The following C5orf63 variants were observed in gnomAD, a reference collection of about 807,000 sequenced individuals.
C5orf63 encodes the protein chromosome 5 open reading frame 63.
A neutral mutation model predicts 13.3 loss-of-function variants in C5orf63; 18 were observed. The observed-to-expected ratio is 1.36, with a 90% confidence interval of 0.94 to 2.01. C5orf63 has a LOEUF of 2.01. C5orf63 is among the 30% of genes most tolerant of loss of function. The pLI is 0.00. For missense variants in C5orf63, 118 were observed against 127.7 expected, an observed-to-expected ratio of 0.92 and a Z score of 0.36; for synonymous variants, 38 against 44.7, an observed-to-expected ratio of 0.85 and a Z score of 0.60.
intron 2 of C5orf63, among the ~76,000 whole-genome samples, chr5:127,066,467 T>A (rs1219586901): frequency 4.6e-5 from 7 of 151,880 alleles, no homozygotes; most frequent in Admixed American, 2.6e-4. Context: ...GACTTGCCAA[T>A]GAATTGGACA....
intron 2 of C5orf63, among the ~76,000 whole-genome samples, chr5:127,066,655 A>G (rs1754344272): frequency 6.6e-6 from 1 of 152,112 alleles, no homozygotes; most frequent in African/African-American, 2.4e-5. Context: ...ATAGAGAATG[A>G]CATACACAGG....
chr5:127,055,577 C>G (rs1186134347), intron 3 of C5orf63, among the ~76,000 whole-genome samples: 2 of 152,134 alleles, frequency 1.3e-5, no homozygotes, highest in East Asian at 3.9e-4. Context: ...ATTAAAGGGT[C>G]TTTCTGGCCC....
chr5:127,060,324 T>C (rs1754052804), intron 2 of C5orf63, among the ~76,000 whole-genome samples: 1 of 152,196 alleles, frequency 6.6e-6, no homozygotes, highest in East Asian at 1.9e-4. Flanking sequence ...ACTGGACATA[T>C]TCCAGTAAGA....
downstream of C5orf63, chr5:127,043,913 T>C (rs1372908380): frequency 6.6e-6 from 1 of 152,246 alleles, no homozygotes; most frequent in Non-Finnish European, 1.5e-5. Context: ...CTAAAATTTA[T>C]TTCCCTCTCT....
At chr5:127,069,128 C>T (rs1226579203) in intron 2 of C5orf63, among the ~76,000 whole-genome samples, 3 of 152,186 alleles carry the variant, frequency 2.0e-5, no homozygotes, top group Non-Finnish European at 4.4e-5. Flanking sequence ...TTATATCATA[C>T]ATGAGGCCTT....
chr5:127,072,289 TATCCA>T (rs1324849737), intron 1 of C5orf63, among the ~76,000 whole-genome samples: 4 of 152,208 alleles, frequency 2.6e-5, no homozygotes, highest in Non-Finnish European at 5.9e-5. Context: ...TTATCATAAT[TATCCA>T]ATATTTCCAG....
intron 2 of C5orf63, among the ~76,000 whole-genome samples, chr5:127,070,322 TTCAACG>T (rs1754489429): frequency 6.6e-6 from 1 of 152,198 alleles, no homozygotes; most frequent in African/African-American, 2.4e-5. Context: ...AATCAAATAA[TTCAACG>T]TCATGTCCTT....
intron 2 of C5orf63, among the ~76,000 whole-genome samples, chr5:127,067,713 C>CA (rs901309827): frequency 6.6e-6 from 1 of 152,038 alleles, no homozygotes; most frequent in African/African-American, 2.4e-5. Context: ...TTTTATTTCT[C>CA]AAACAGGGAA....
chr5:127,049,021 G>A (rs1451126469), downstream of C5orf63, among the ~76,000 whole-genome samples: 1 of 152,216 alleles, frequency 6.6e-6, no homozygotes, highest in African/African-American at 2.4e-5. Context: ...GGAGGACTTT[G>A]TCTGTGGCAT....
chr5:127,072,632 C>T (rs113336590), intron 1 of C5orf63, among the ~76,000 whole-genome samples: 2,722 of 151,808 alleles, frequency 0.018, 43 homozygotes, highest in Non-Finnish European at 0.027. Flanking sequence ...TAAGGCCATA[C>T]TATGGATTTT....
In C5orf63 at chr5:127,058,687, A is replaced by G. The variant is rs374991802; in HGVS notation, c.114+195T>C. Reference sequence around the variant, plus strand: ...TAGGGGCCAGATGACCATTAAATACATCAATTTACTCTTTGCTAATTGGGA... The same window carrying G: ...TAGGGGCCAGATGACCATTAAATACGTCAATTTACTCTTTGCTAATTGGGA... On this transcript the variant is annotated intron_variant, in intron 3 of 4. Transcript: ENST00000296662. 216 of 551,068 alleles carry G rather than the reference A, an allele frequency of 3.9e-4. 1 individual carries two copies. The East Asian group carries it at 5.7e-3, about 14-fold the overall frequency. The allele number at this position is 551,068 out of a possible 1,614,324, so 34.1% of individuals were successfully genotyped here. A position where few individuals can be genotyped will look rare whatever the true frequency, so the allele number is the denominator to read the frequency against.
At chr5:127,064,148 T>C (rs1754229952) in intron 2 of C5orf63, among the ~76,000 whole-genome samples, 1 of 152,050 alleles carries the variant, frequency 6.6e-6, no homozygotes, top group Non-Finnish European at 1.5e-5. Context: ...AGAGAGAAAA[T>C]GACTCTCGTG....
chr5:127,050,901 T>TA (rs1753649217), downstream of C5orf63, among the ~76,000 whole-genome samples: 1 of 152,244 alleles, frequency 6.6e-6, no homozygotes, highest in Admixed American at 6.5e-5. Context: ...TACACTGGCT[T>TA]AATCTGACTA....
intron 3 of C5orf63, among the ~76,000 whole-genome samples, chr5:127,057,145 G>T (rs1375273134): frequency 6.6e-6 from 1 of 152,158 alleles, no homozygotes; most frequent in Non-Finnish European, 1.5e-5. Context: ...CTCAGATGAT[G>T]AAATATTTTT....
At chr5:127,068,415 T>C (rs1754407500) in intron 2 of C5orf63, among the ~76,000 whole-genome samples, 1 of 152,164 alleles carries the variant, frequency 6.6e-6, no homozygotes, top group Non-Finnish European at 1.5e-5. Flanking sequence ...AACTGGGAAG[T>C]GTTGGTGTCA....
intron 2 of C5orf63, among the ~76,000 whole-genome samples, chr5:127,068,205 G>T (rs1651251509): frequency 6.6e-6 from 1 of 152,180 alleles, no homozygotes; most frequent in South Asian, 2.1e-4. Context: ...CCTGATCAGA[G>T]AAGGGGAAAT....
chr5:127,056,133 C>T lies in C5orf63; in HGVS notation c.114+2749G>A, dbSNP rs1753877191. On this transcript the variant is annotated intron_variant, in intron 3 of 4. Transcript: ENST00000296662. ...CACAGGAACTACTCTCAGCATGTGG[C>T]TGACTCCATCCCAGAAAAACAAAGG... 2.6e-5 allele frequency among the ~76,000 whole-genome samples: 4 copies of T among 152,146 alleles called. No individual in the cohort carries two copies. In the South Asian group the frequency reaches 8.3e-4, roughly 31 times the overall value.
chr5:127,067,287 AAAGT>A (rs897459345), intron 2 of C5orf63, among the ~76,000 whole-genome samples: 33 of 152,306 alleles, frequency 2.2e-4, no homozygotes, highest in African/African-American at 6.7e-4. Flanking sequence ...AAAAATACTA[AAAGT>A]AAGAGATCAC....
Position 127,066,251 on chromosome 5 carries a change from G to T in C5orf63, c.-8+5333C>A, listed in dbSNP as rs547551148. Among the ~76,000 whole-genome samples, 4 of 152,230 alleles carry T rather than the reference G, an allele frequency of 2.6e-5. No individual in the cohort carries two copies. The South Asian group carries it at 8.3e-4, about 32-fold the overall frequency. On this transcript the variant is annotated intron_variant, in intron 2 of 4. Transcript: ENST00000296662. The stretch of plus-strand genomic sequence containing the variant: ...CGTAGGCCTTGTGGGTTATGTTAAA[G>T]AATTGAGATTTTATTCTAAGTACAG...
Sources: gnomAD v4.1 joint callset for allele counts (sites outside exome capture counted in the v4.1 genomes callset) on GRCh38, gnomAD v4.1.1 for gene constraint, MANE v1.5 for transcripts, NCBI Gene and HGNC (gene_info 2026-07-23, HGNC 2026-07-21) for gene names.